The following ZNF502 variants were observed in gnomAD, a reference collection of about 807,000 sequenced individuals.
The protein encoded by ZNF502 is zinc finger protein 502.
In ZNF502, 29 loss-of-function variants were observed where a neutral mutation model predicts 43.6. The ratio of observed to expected loss-of-function variants is 0.67; its 90% CI spans 0.50 to 0.91. ZNF502 has a LOEUF of 0.91. ZNF502 is among the 40% of genes least tolerant of loss of function. The pLI is 0.00. For synonymous variants in ZNF502, 171 were observed against 207.4 expected, an observed-to-expected ratio of 0.82 and a Z score of 1.51; for missense variants, 591 against 647.2, an observed-to-expected ratio of 0.91 and a Z score of 0.94.
intron 1 of ZNF502, among the ~76,000 whole-genome samples, chr3:44,715,932 A>G (rs1003275537): frequency 1.3e-5 from 2 of 152,204 alleles, no homozygotes; most frequent in Admixed American, 1.3e-4. Flanking sequence ...TTTTTTCAAC[A>G]TATGGCATAA....
Position 44,721,370 on chromosome 3 carries a change from T to A in ZNF502, c.553T>A (p.Cys185Ser). ...TCATACTGGAGAGAGACCCTACACATGTGAGGAATGTGGGAAAGCCTTTAG... is the reference window on the plus strand; with the variant it reads ...TCATACTGGAGAGAGACCCTACACAAGTGAGGAATGTGGGAAAGCCTTTAG... The part of the protein sequence containing the change: ...RTHTGERPYT[C>S]EECGKAFSRS... Residue 185 changes from cysteine to serine, a missense_variant, in exon 3 of 3, where the codon TGT becomes AGT. Transcript: ENST00000436624. 1 of 1,614,154 alleles carries A rather than the reference T, an allele frequency of 6.2e-7. No homozygotes were observed. Among genetic ancestry groups the A allele is most frequent in the East Asian group, 2.2e-5 (1 of 44,876 alleles).
chr3:44,720,977 A>G lies in ZNF502; in HGVS notation c.160A>G (p.Thr54Ala). The change falls in exon 3 of 3, where the codon ACA (threonine) becomes GCA (alanine). Residue 54 changes from threonine (T) to alanine (A), a missense_variant. Thr to Ala is a moderately conservative substitution (Grantham distance 58). Coordinates refer to ENST00000436624, the MANE Select transcript of ZNF502 (RefSeq NM_001134442.3). ...RFQEDEYQDS[T>A]FEEKYACEGM... ...CCAAGAGGATGAATACCAAGATTCT[A>G]CATTTGAAGAAAAATATGCATGTGA... 2 of 1,614,228 alleles carry G rather than the reference A, an allele frequency of 1.2e-6. No individual in the cohort carries two copies. The highest frequency in any genetic ancestry group is 1.7e-6 in the Non-Finnish European group (2 of 1,180,024).
chr3:44,713,778 C>T (rs1442828821), intron 1 of ZNF502, among the ~76,000 whole-genome samples: 6 of 151,906 alleles, frequency 3.9e-5, no homozygotes, highest in Non-Finnish European at 8.8e-5. Context: ...CGGGGTTTCA[C>T]AGTGTTGGTC....
At chr3:44,718,970 ATCT>A (rs977536870) in intron 1 of ZNF502, among the ~76,000 whole-genome samples, 3 of 125,358 alleles carry the variant, frequency 2.4e-5, no homozygotes, top group Non-Finnish European at 3.2e-5. Context: ...AGGTAGGATC[ATCT>A]TCTTTTTTTT....
chr3:44,720,414 A>G, intron 2 of ZNF502, 98 bp downstream of exon 2: 1 of 1,258,360 alleles, frequency 7.9e-7, no homozygotes, highest in South Asian at 1.4e-5. Context: ...AGGAGATAAA[A>G]TAACTGTCTC....
intron 1 of ZNF502, 58 bp downstream of exon 1, chr3:44,712,798 G>C (rs978819754): frequency 4.6e-5 from 7 of 152,360 alleles, no homozygotes; most frequent in Non-Finnish European, 1.0e-4. Flanking sequence ...GCCATTGCTG[G>C]GGCGGCGGGC....
At position 44,721,450 on chromosome 3, in the gene ZNF502, T is replaced by C; in HGVS notation, c.633T>C (p.Tyr211=). The C allele has an allele frequency of 2.5e-6, 4 of 1,614,194 alleles. No individual in the cohort carries two copies. Among genetic ancestry groups the C allele is most frequent in the Non-Finnish European group, 2.5e-6 (3 of 1,180,022 alleles). The change falls in exon 3 of 3, where the codon TAT becomes TAC. Residue 211 remains tyrosine (Y), a synonymous_variant. Transcript: ENST00000436624. ...GAATTCACACTGGAGTGAAACCATA[T>C]GGATGTGAGCAGTGTGGGAAAACAT... ...HQRIHTGVKP[Y]GCEQCGKTFR... is the part of the protein sequence containing the mutation.
chr3:44,722,475 G>C lies in ZNF502; in HGVS notation c.*23G>C. The C allele has an allele frequency of 6.3e-7, 1 of 1,585,960 alleles. No individual in the cohort carries two copies. The highest frequency in any genetic ancestry group is 8.6e-7 in the Non-Finnish European group (1 of 1,168,486). On this transcript the variant is annotated 3_prime_UTR_variant, in exon 3 of 3. Transcript: ENST00000436624. ...TAATGCTGCCATTTAGGTTATGACA[G>C]TTTCTCTAGCGAGGATGACTACGAA...
chr3:44,723,452 G>C lies in ZNF502; in HGVS notation c.*1000G>C, dbSNP rs1431062116. On this transcript the variant is annotated 3_prime_UTR_variant, in exon 3 of 3. Transcript: ENST00000436624. ...CAATGTCCTAACAAAATGGTACTTA[G>C]TTTGTTGGTCTTTAGGAGAAAGCAT... 6.6e-6 allele frequency: 1 copy of C among 152,164 alleles called. No individual in the cohort carries two copies. The highest frequency in any genetic ancestry group is 1.5e-5 in the Non-Finnish European group (1 of 68,034). The allele number at this position is 152,164 out of a possible 1,614,324, so 9.4% of individuals were successfully genotyped here. A position where few individuals can be genotyped will look rare whatever the true frequency, so the allele number is the denominator to read the frequency against.
At chr3:44,715,946 T>C (rs919250693) in intron 1 of ZNF502, among the ~76,000 whole-genome samples, 3 of 152,150 alleles carry the variant, frequency 2.0e-5, no homozygotes, top group Non-Finnish European at 4.4e-5. Flanking sequence ...GGCATAAATA[T>C]TTTTCCCAAT....
chr3:44,718,699 T>A (rs1559499480), intron 1 of ZNF502, among the ~76,000 whole-genome samples: 1 of 152,340 alleles, frequency 6.6e-6, no homozygotes, highest in East Asian at 1.9e-4. Flanking sequence ...TTAGGTCCCC[T>A]GTGCTTTACA....
rs749579457 is a variant in ZNF502 at position 44,721,133 on chromosome 3, A to G, written c.316A>G (p.Lys106Glu). 9 of 1,614,068 alleles carry G rather than the reference A, an allele frequency of 5.6e-6. No homozygotes were observed. The East Asian group carries it at 1.8e-4, about 32-fold the overall frequency. Reference sequence around the variant, plus strand: ...TATTAGTCAAGGATATAATTTTGAGAAAAGCTTGCTTTTGACCTCAAGCCT... The same window carrying G: ...TATTAGTCAAGGATATAATTTTGAGGAAAGCTTGCTTTTGACCTCAAGCCT... ...EIISQGYNFE[K>E]SLLLTSSLVT... The change falls in exon 3 of 3, where the codon AAA (lysine) becomes GAA (glutamate). Residue 106 changes from lysine (K) to glutamate (E), a missense_variant. Physicochemically the swap from Lys to Glu is moderately conservative, Grantham distance 56 (BLOSUM62 1). Coordinates refer to ENST00000436624, the MANE Select transcript of ZNF502 (RefSeq NM_001134442.3).
intron 1 of ZNF502, among the ~76,000 whole-genome samples, chr3:44,718,923 G>A (rs1191177018): frequency 6.6e-6 from 1 of 150,924 alleles, no homozygotes. Flanking sequence ...GTTCCTTTAT[G>A]TTCTTCCTGT....
In ZNF502 at chr3:44,722,724, G is replaced by A. The variant is rs900897877; in HGVS notation, c.*272G>A. On this transcript the variant is annotated 3_prime_UTR_variant, in exon 3 of 3. Transcript: ENST00000436624. ...TCTCCCCATGTGACTCTTACAGCTT[G>A]AGGAGGCATTTGTTAGCACTTCTGT... 1.3e-5 allele frequency: 5 copies of A among 388,788 alleles called. No individual in the cohort carries two copies. The highest frequency in any genetic ancestry group is 6.0e-5 in the African/African-American group (3 of 50,382). 24.1% of individuals were successfully genotyped at this position (388,788 alleles called of 1,614,324 possible).
At position 44,721,899 on chromosome 3, in the gene ZNF502, G is replaced by T; in HGVS notation, c.1082G>T (p.Cys361Phe). 1.2e-6 allele frequency: 2 copies of T among 1,613,962 alleles called. No homozygotes were observed. Among genetic ancestry groups the T allele is most frequent in the Non-Finnish European group, 8.5e-7 (1 of 1,179,936 alleles). The change falls in exon 3 of 3, where the codon TGT becomes TTT. Residue 361 changes from cysteine to phenylalanine, a missense_variant. Cys to Phe is a radical substitution (Grantham distance 205). Transcript: ENST00000436624. ...YKCKECGKAF[C>F]QSPSLIKHQR... ...TGTAAAGAATGTGGCAAAGCCTTTT[G>T]TCAGAGCCCATCTCTTATTAAACAC...
Position 44,722,212 on chromosome 3 carries a change from T to G in ZNF502, c.1395T>G (p.Cys465Trp). The G allele has an allele frequency of 6.2e-7, 1 of 1,614,112 alleles. No homozygotes were observed. Among genetic ancestry groups the G allele is most frequent in the Non-Finnish European group, 8.5e-7 (1 of 1,180,020 alleles). Residue 465 changes from cysteine to tryptophan, a missense_variant, in exon 3 of 3, where the codon TGT (cysteine) becomes TGG (tryptophan). Physicochemically the swap from Cys to Trp is radical, Grantham distance 215 (BLOSUM62 -2). Coordinates refer to ENST00000436624, the MANE Select transcript of ZNF502 (RefSeq NM_001134442.3). ...ATACTGGAGAGAAGCCCTATAAATG[T>G]AAAGAATGTGGGAAAGCCTTTGCTC... ...RIHTGEKPYK[C>W]KECGKAFAHS...
In ZNF502 at chr3:44,722,361, G is replaced by T; in HGVS notation, c.1544G>T (p.Gly515Val). ...AGTGAACATTACAGAATTCACACTG[G>T]TGAGAAGCCTTATGAGTGTATTGAG... ...HLSEHYRIHT[G>V]EKPYECIECG... Residue 515 changes from glycine to valine, a missense_variant, in exon 3 of 3, where the codon GGT becomes GTT. Physicochemically the swap from Gly to Val is moderately radical, Grantham distance 109. Transcript: ENST00000436624. 6.2e-7 allele frequency: 1 copy of T among 1,614,252 alleles called. No individual in the cohort carries two copies. Among genetic ancestry groups the T allele is most frequent in the Non-Finnish European group, 8.5e-7 (1 of 1,180,046 alleles).
rs769633036 is a variant in ZNF502 at position 44,721,883 on chromosome 3, T to C, written c.1066T>C (p.Cys356Arg). 1 of 1,613,986 alleles carries C rather than the reference T, an allele frequency of 6.2e-7. No homozygotes were observed. Among genetic ancestry groups the C allele is most frequent in the Non-Finnish European group, 8.5e-7 (1 of 1,179,940 alleles). The stretch of plus-strand genomic sequence containing the variant: ...AGAGAAACCCTATAAATGTAAAGAA[T>C]GTGGCAAAGCCTTTTGTCAGAGCCC... ...SGEKPYKCKE[C>R]GKAFCQSPSL... Residue 356 changes from cysteine (C) to arginine (R), a missense_variant, in exon 3 of 3, where the codon TGT becomes CGT. Transcript: ENST00000436624.
At position 44,720,896 on chromosome 3, in the gene ZNF502, G is replaced by A. The variant is rs1224942431; in HGVS notation, c.79G>A (p.Ala27Thr). The A allele has an allele frequency of 3.7e-6, 6 of 1,613,196 alleles. No homozygotes were observed. Among genetic ancestry groups the A allele is most frequent in the Non-Finnish European group, 4.2e-6 (5 of 1,179,610 alleles). The change falls in exon 3 of 3, where the codon GCT becomes ACT. Residue 27 changes from alanine to threonine, a missense_variant. Transcript: ENST00000436624. The stretch of plus-strand genomic sequence containing the variant: ...AGGCTGGGTAAACAAGAACAAGCCT[G>A]CTCTGGAGCAGGATGTCTGTAAAAT... ...CPGWVNKNKPALEQDVCKIDS... is the reference protein window; with the variant it reads ...CPGWVNKNKPTLEQDVCKIDS...
Sources: allele counts gnomAD v4.1 joint callset (sites outside exome capture counted in the v4.1 genomes callset), GRCh38; gene constraint gnomAD v4.1.1; transcripts MANE v1.5; gene names NCBI Gene and HGNC (gene_info 2026-07-23, HGNC 2026-07-21).